Variants in ABR observed in about 807,000 individuals in gnomAD.
ABR encodes ABR activator of RhoGEF and GTPase, also known as active breakpoint cluster region-related protein.
A neutral mutation model predicts 107.2 loss-of-function variants in ABR; 35 were observed. The ratio of observed to expected loss-of-function variants is 0.33; its 90% CI spans 0.25 to 0.43. ABR has a LOEUF of 0.43. ABR is among the 20% of genes least tolerant of loss of function. ABR has a pLI of 1.00. For synonymous variants in ABR, 498 were observed against 462.0 expected, an observed-to-expected ratio of 1.08 and a Z score of -1.00; for missense variants, 815 against 1,115.2, an observed-to-expected ratio of 0.73 and a Z score of 3.83.
At chr17:1,024,049 A>AAAAAAAAAAAAAAAAAAAAAAAG (rs2071963289) in intron 16 of ABR, among the ~76,000 whole-genome samples, 1 of 140,536 alleles carries the variant, frequency 7.1e-6, no homozygotes, top group African/African-American at 2.7e-5. Context: ...AAAAAAAAAA[A>AAAAAAAAAAAAAAAAAAAAAAAG]GCAGCATCAA....
intron 3 of ABR, among the ~76,000 whole-genome samples, chr17:1,094,491 C>G (rs1008515726): frequency 2.0e-5 from 3 of 151,990 alleles, no homozygotes; most frequent in African/African-American, 7.3e-5. Context: ...CTGCCTCAGC[C>G]TCCTGAGTAG....
At chr17:1,164,603 T>G (rs534030194) in intron 1 of ABR, among the ~76,000 whole-genome samples, 1 of 152,352 alleles carries the variant, frequency 6.6e-6, no homozygotes, top group South Asian at 2.1e-4. Flanking sequence ...CCAGTGAACA[T>G]GAACGTCGGG....
intron 1 of ABR, among the ~76,000 whole-genome samples, chr17:1,147,334 T>G (rs2040595800): frequency 6.6e-6 from 1 of 151,160 alleles, no homozygotes; most frequent in Admixed American, 6.6e-5. Flanking sequence ...TGATGAGGAT[T>G]TCAGCAGTAA....
chr17:1,149,069 A>AT (rs1491506422), intron 1 of ABR, among the ~76,000 whole-genome samples: 2 of 150,646 alleles, frequency 1.3e-5, no homozygotes, highest in African/African-American at 2.5e-5. Flanking sequence ...GCCTGGCTAA[A>AT]TTTTTTTGTA....
chr17:1,108,874 C>T (rs1051867709), intron 2 of ABR: 58 of 1,504,916 alleles, frequency 3.9e-5, no homozygotes, highest in Non-Finnish European at 5.0e-5. Flanking sequence ...ATTTCTCCCG[C>T]GCACCTTCGG....
intron 9 of ABR, among the ~76,000 whole-genome samples, chr17:1,069,720 G>A (rs2035055952): frequency 6.6e-6 from 1 of 151,872 alleles, no homozygotes; most frequent in Admixed American, 6.6e-5. Context: ...GGGTGGCAGG[G>A]TCCGGCCTCC....
At chr17:1,167,229 C>T (rs898340299) in intron 1 of ABR, among the ~76,000 whole-genome samples, 1 of 152,008 alleles carries the variant, frequency 6.6e-6, no homozygotes, top group Non-Finnish European at 1.5e-5. Context: ...GCCCTCCTAA[C>T]ACCCAGCTCC....
Position 1,027,989 on chromosome 17 carries a change from C to T in ABR, c.1792-14825G>A, listed in dbSNP as rs750607315. ...GTAGAGTGAACCTCTGGGGTGTGCA[C>T]GTGGTCTGCACACCTGGTACCATCA... is the stretch of plus-strand genomic sequence containing the variant. On this transcript the variant is annotated intron_variant, in intron 16 of 22. Transcript: ENST00000302538. The surrounding 1 kb of genome is among the most constrained non-coding windows in gnomAD (Gnocchi z 4.7). Among the ~76,000 whole-genome samples, 11 of 151,634 alleles carry T rather than the reference C, an allele frequency of 7.3e-5. No individual in the cohort carries two copies. Among genetic ancestry groups the T allele is most frequent in the Non-Finnish European group, 1.6e-4 (11 of 67,944 alleles).
Position 1,009,680 on chromosome 17 carries a change from T to G in ABR, c.2341A>C (p.Arg781=). ...GGGGTTGGGGCCGCTCCCCGTTACC[T>G]TTTCAAGTGTTCCAGCAGGAAGAGG... ...TFLFLLEHLK[R]VAEKEPINKM... Residue 781 remains arginine, a splice_region_variant and synonymous_variant, in exon 21 of 23, where the codon AGG becomes CGG. Coordinates refer to ENST00000302538, the MANE Select transcript of ABR (RefSeq NM_021962.5). The G allele has an allele frequency of 6.2e-7, 1 of 1,612,970 alleles. No homozygotes were observed.
At chr17:1,229,437 C>G (rs1363668041) in exon 1 of ABR, among the ~76,000 whole-genome samples, 1 of 151,828 alleles carries the variant, frequency 6.6e-6, no homozygotes, top group East Asian at 2.0e-4. Context: ...GCCGCCGCCC[C>G]GGGCCAGCGC....
At chr17:1,028,634 G>T (rs1009520105) in intron 16 of ABR, among the ~76,000 whole-genome samples, 5 of 152,230 alleles carry the variant, frequency 3.3e-5, no homozygotes, top group African/African-American at 7.2e-5. Context: ...CACCGTGGGG[G>T]TCAGCAGTGC....
chr17:1,052,201 A>C (rs1328636556), intron 14 of ABR, among the ~76,000 whole-genome samples: 1 of 151,406 alleles, frequency 6.6e-6, no homozygotes, highest in Non-Finnish European at 1.5e-5. Flanking sequence ...GGGGCTGGGG[A>C]TTTGCAGGTG....
intron 4 of ABR, among the ~76,000 whole-genome samples, chr17:1,085,269 C>T (rs1394713697): frequency 1.3e-5 from 2 of 151,894 alleles, no homozygotes; most frequent in African/African-American, 2.4e-5. Context: ...CCCGCCACCA[C>T]GCCAGGCTAA....
intron 1 of ABR, among the ~76,000 whole-genome samples, chr17:1,155,316 A>G (rs2040996895): frequency 6.6e-6 from 1 of 152,154 alleles, no homozygotes; most frequent in South Asian, 2.1e-4. Context: ...GGAAAGAAGA[A>G]TCTTTTCACC....
intron 16 of ABR, among the ~76,000 whole-genome samples, chr17:1,031,297 C>T (rs2072715344): frequency 6.6e-6 from 1 of 152,188 alleles, no homozygotes; most frequent in Non-Finnish European, 1.5e-5. Context: ...AGGCAGGCGT[C>T]TCCCCGTGCG....
chr17:1,203,812 G>C (rs947299512), intron 1 of ABR, among the ~76,000 whole-genome samples: 48 of 152,236 alleles, frequency 3.2e-4, no homozygotes, highest in African/African-American at 1.1e-3. Flanking sequence ...TCCGCGTGGC[G>C]AGAGACCCGC....
chr17:1,012,192 G>A (rs754850996), intron 18 of ABR: 8 of 777,104 alleles, frequency 1.0e-5, no homozygotes, highest in Non-Finnish European at 1.5e-5. Context: ...ATCGACGGAC[G>A]TGGGCAGGAG....
intron 16 of ABR, among the ~76,000 whole-genome samples, chr17:1,039,152 G>A (rs923257025): frequency 5.9e-5 from 9 of 152,252 alleles, no homozygotes; most frequent in South Asian, 2.1e-4. Flanking sequence ...TGACTGCATC[G>A]GCTCCTGAGG....
intron 2 of ABR, among the ~76,000 whole-genome samples, chr17:1,118,241 G>T: frequency 1.1e-5 from 1 of 90,912 alleles, no homozygotes; most frequent in South Asian, 3.4e-4. Flanking sequence ...TTAACCCTGA[G>T]CCTGAGTTCC....
Sources: allele counts gnomAD v4.1 joint callset (sites outside exome capture counted in the v4.1 genomes callset), GRCh38; gene constraint gnomAD v4.1.1; non-coding constraint Gnocchi (gnomAD v3.1); transcripts MANE v1.5; gene names NCBI Gene and HGNC (gene_info 2026-07-23, HGNC 2026-07-21).